The following BCAS3 variants were observed in gnomAD, a reference collection of about 807,000 sequenced individuals.
The protein encoded by BCAS3 is BCAS4/BCAS3 fusion.
A neutral mutation model predicts 116.1 loss-of-function variants in BCAS3; 53 were observed. The observed-to-expected ratio is 0.46, with a 90% CI of 0.37 to 0.57. The LOEUF (loss-of-function observed/expected upper bound fraction) is 0.57, where lower values mean the gene tolerates loss of function less well. Ranked by LOEUF, BCAS3 falls within the 20% of genes least tolerant of loss-of-function variation. The probability of loss-of-function intolerance (pLI) is 0.00; values close to 1 mark genes in which losing one functional copy is unlikely to be tolerated. For synonymous variants in BCAS3, 391 were observed against 408.2 expected (o/e 0.96, Z 0.51); for missense variants, 917 against 1,165.4 (o/e 0.79, Z 3.10).
intron 6 of BCAS3, 73 bp downstream of exon 6, chr17:60,747,352 C>T: frequency 1.6e-6 from 2 of 1,227,982 alleles, no homozygotes; most frequent in Middle Eastern, 2.1e-4. Flanking sequence ...CTACAGGCAG[C>T]AAGAATGATA....
chr17:60,803,541 A>G (rs1051213790), intron 6 of BCAS3, among the ~76,000 whole-genome samples: 4 of 151,828 alleles, frequency 2.6e-5, no homozygotes, highest in Admixed American at 6.6e-5. Flanking sequence ...TTAATTTAAT[A>G]TTTTTTTTCC....
At chr17:60,827,889 G>T (rs1048140472) in intron 7 of BCAS3, among the ~76,000 whole-genome samples, 1 of 152,092 alleles carries the variant, frequency 6.6e-6, no homozygotes, top group East Asian at 1.9e-4. Context: ...AAATATAAAG[G>T]TAAAGGTATT....
At chr17:60,761,660 A>G (rs2043546864) in intron 6 of BCAS3, among the ~76,000 whole-genome samples, 2 of 152,152 alleles carry the variant, frequency 1.3e-5, no homozygotes, top group African/African-American at 4.8e-5. Context: ...GTGCCGCAAT[A>G]AACATACGTG....
chr17:60,799,520 G>GTTTT (rs200098763), intron 6 of BCAS3, among the ~76,000 whole-genome samples: 4,550 of 116,942 alleles, frequency 0.039, 507 homozygotes, highest in African/African-American at 0.085. Flanking sequence ...TGAGATTAGT[G>GTTTT]TTTGTTTTTT....
At chr17:61,341,683 A>C (rs2057165181) in intron 22 of BCAS3, among the ~76,000 whole-genome samples, 1 of 152,194 alleles carries the variant, frequency 6.6e-6, no homozygotes, top group African/African-American at 2.4e-5. Context: ...GTTGCAACTG[A>C]AAAGCACACC....
chr17:60,695,360 C>A (rs1217305350), intron 4 of BCAS3, among the ~76,000 whole-genome samples: 1 of 152,154 alleles, frequency 6.6e-6, no homozygotes, highest in Non-Finnish European at 1.5e-5. Flanking sequence ...GATCTGCCCA[C>A]CTCGGCCTCC....
intron 6 of BCAS3, among the ~76,000 whole-genome samples, chr17:60,794,829 G>A (rs2047073734): frequency 6.6e-6 from 1 of 152,146 alleles, no homozygotes; most frequent in Admixed American, 6.5e-5. Context: ...TTTGAAATTA[G>A]GTAGTATGAG....
At chr17:60,749,662 A>T (rs1315849090) in intron 6 of BCAS3, among the ~76,000 whole-genome samples, 2 of 152,062 alleles carry the variant, frequency 1.3e-5, no homozygotes, top group East Asian at 3.8e-4. Flanking sequence ...CTTCTATTGA[A>T]CAATTATTTT....
At chr17:60,721,492 A>G (rs2039230796) in intron 5 of BCAS3, among the ~76,000 whole-genome samples, 1 of 152,124 alleles carries the variant, frequency 6.6e-6, no homozygotes, top group Non-Finnish European at 1.5e-5. Flanking sequence ...TTGCATCTGA[A>G]ACTTAATTTT....
chr17:60,841,544 T>A (rs1350257990), intron 7 of BCAS3, among the ~76,000 whole-genome samples: 1 of 127,600 alleles, frequency 7.8e-6, no homozygotes, highest in Non-Finnish European at 1.6e-5. Context: ...CACACCTGGC[T>A]AATTTTTTTT....
chr17:60,983,238 T>G (rs1023882344), intron 14 of BCAS3, among the ~76,000 whole-genome samples: 1 of 152,150 alleles, frequency 6.6e-6, no homozygotes, highest in African/African-American at 2.4e-5. Flanking sequence ...CTTTTTGTGA[T>G]GAGAATATGT....
At position 61,380,597 on chromosome 17, in the gene BCAS3, T is replaced by C. The variant is rs373159025; in HGVS notation, c.2594-11380T>C. On this transcript the variant is annotated intron_variant, in intron 23 of 23. Coordinates refer to ENST00000407086, the MANE Select transcript of BCAS3 (RefSeq NM_017679.5). The surrounding 1 kb of genome is among the most constrained non-coding windows in gnomAD (Gnocchi z 4.2). ...GTATGTAACGTCCTATCTTTGCCTA[T>C]GTGGAAGGGGTTGTCCCGTTGCTTC... The C allele has an allele frequency of 1.0e-5, 16 of 1,590,406 alleles. No individual in the cohort carries two copies. The highest frequency in any genetic ancestry group is 1.4e-5 in the Non-Finnish European group (16 of 1,172,974).
chr17:61,329,377 G>A (rs1370428090), intron 22 of BCAS3, among the ~76,000 whole-genome samples: 1 of 135,386 alleles, frequency 7.4e-6, no homozygotes, highest in Non-Finnish European at 1.6e-5. Context: ...GTCTCGCTCT[G>A]TCGCCCAGGC....
rs780589136 is a variant in BCAS3 at position 61,261,728 on chromosome 17, A to C, written c.2426-106599A>C. Among the ~76,000 whole-genome samples, 2 of 152,220 alleles carry C rather than the reference A, an allele frequency of 1.3e-5. No individual in the cohort carries two copies. The highest frequency in any genetic ancestry group is 2.9e-5 in the Non-Finnish European group (2 of 68,042). On this transcript the variant is annotated intron_variant, in intron 22 of 23. Coordinates refer to ENST00000407086, the MANE Select transcript of BCAS3 (RefSeq NM_017679.5). This position sits in a 1 kb window ranked among gnomAD's most constrained non-coding sequence, Gnocchi z 4.4. The stretch of plus-strand genomic sequence containing the variant: ...ATACCCCAGCCAAAGCTCACAACTC[A>C]TATGAGGCTGTTTCACTGTAGACTG...
chr17:60,770,312 C>T (rs1414411979), intron 6 of BCAS3, among the ~76,000 whole-genome samples: 1 of 151,792 alleles, frequency 6.6e-6, no homozygotes, highest in African/African-American at 2.4e-5. Flanking sequence ...TGAGCTTTCC[C>T]CAGTTCATAG....
chr17:60,755,124 G>T (rs1260393431), intron 6 of BCAS3, among the ~76,000 whole-genome samples: 1 of 152,146 alleles, frequency 6.6e-6, no homozygotes, highest in Admixed American at 6.5e-5. Flanking sequence ...CTGGTTTAGA[G>T]GTGCTGCTTT....
chr17:61,335,468 C>G, intron 22 of BCAS3, among the ~76,000 whole-genome samples: 1 of 152,242 alleles, frequency 6.6e-6, no homozygotes, highest in Non-Finnish European at 1.5e-5. Flanking sequence ...CCTTTGGCCA[C>G]TGCTCTTCTA....
intron 22 of BCAS3, among the ~76,000 whole-genome samples, chr17:61,293,612 A>G (rs2052641472): frequency 6.6e-6 from 1 of 152,190 alleles, no homozygotes; most frequent in African/African-American, 2.4e-5. Flanking sequence ...TTTCTAAGAC[A>G]TTAAATCACA....
rs2058597926 is a variant in BCAS3, at chr17:61,364,004, CA to C, written c.2426-4322del. Among the ~76,000 whole-genome samples, 1 of 152,202 alleles carries C rather than the reference CA, an allele frequency of 6.6e-6. No homozygotes were observed. Among genetic ancestry groups the C allele is most frequent in the South Asian group, 2.1e-4 (1 of 4,834 alleles). ...CTCTCACTCTGGGACAGGGAGATTC[CA>C]GGAGCACCTTTGCTGTCCTCAGCAA... On this transcript the variant is annotated intron_variant, in intron 22 of 23. Transcript: ENST00000407086. The surrounding 1 kb of genome is among the most constrained non-coding windows in gnomAD (Gnocchi z 5.4).
Sources: allele counts gnomAD v4.1 joint callset (sites outside exome capture counted in the v4.1 genomes callset), GRCh38; gene constraint gnomAD v4.1.1; non-coding constraint Gnocchi (gnomAD v3.1); transcripts MANE v1.5; gene names NCBI Gene and HGNC (gene_info 2026-07-23, HGNC 2026-07-21).